The following VAMP7 variants were observed in gnomAD, a reference collection of about 807,000 sequenced individuals.
VAMP7 encodes the protein vesicle-associated membrane protein 7.
Under a neutral mutation model 29.6 loss-of-function variants are expected in VAMP7, and 14 were observed. The observed-to-expected ratio is 0.47, with a 90% CI of 0.31 to 0.74. The LOEUF (loss-of-function observed/expected upper bound fraction) is 0.74. Ranked by LOEUF, VAMP7 falls within the 30% of genes least tolerant of loss-of-function variation. The probability of loss-of-function intolerance (pLI) is 0.05; values close to 1 mark genes in which losing one functional copy is unlikely to be tolerated. For synonymous variants in VAMP7, 95 were observed against 88.1 expected (o/e 1.08, Z -0.44); for missense variants, 223 against 262.4 (o/e 0.85, Z 1.04).
chrX:155,903,916 A>T (rs201163128), intron 5 of VAMP7, among the ~76,000 whole-genome samples: 1 of 152,070 alleles, frequency 6.6e-6, no homozygotes, highest in Non-Finnish European at 1.5e-5. Context: ...GTATGTTTAT[A>T]GCGGCAGTAT....
intron 1 of VAMP7, among the ~76,000 whole-genome samples, chrX:155,881,784 T>C (rs918827474): frequency 2.6e-5 from 4 of 152,192 alleles, no homozygotes; most frequent in African/African-American, 4.8e-5. Context: ...CTAAAAACTC[T>C]CTACGTCCTT....
chrX:155,932,947 T>C (rs762943578), intron 6 of VAMP7, among the ~76,000 whole-genome samples: 47 of 152,332 alleles, frequency 3.1e-4, no homozygotes, highest in African/African-American at 1.1e-3. Context: ...CTTTTCTGCA[T>C]CTATTGAGAT....
chrX:155,881,990 AT>A (rs1444765005), intron 1 of VAMP7, among the ~76,000 whole-genome samples: 2 of 152,120 alleles, frequency 1.3e-5, no homozygotes, highest in African/African-American at 4.8e-5. Flanking sequence ...TTAATGGCCA[AT>A]GTTTATCAAA....
At chrX:155,902,990 A>T (rs2066089294) in intron 5 of VAMP7, among the ~76,000 whole-genome samples, 2 of 151,674 alleles carry the variant, frequency 1.3e-5, no homozygotes, top group African/African-American at 2.4e-5. Context: ...CTGTGAATCC[A>T]TCTGGTCCTG....
intron 6 of VAMP7, among the ~76,000 whole-genome samples, chrX:155,935,487 C>T (rs999386881): frequency 2.0e-5 from 3 of 152,048 alleles, no homozygotes; most frequent in Non-Finnish European, 4.4e-5. Flanking sequence ...TCCAGTTGTT[C>T]GAATCGGCTA....
At chrX:155,921,192 C>A (rs1304914037) in intron 6 of VAMP7, among the ~76,000 whole-genome samples, 3 of 152,150 alleles carry the variant, frequency 2.0e-5, no homozygotes, top group Non-Finnish European at 4.4e-5. Flanking sequence ...ATTTTGTTGA[C>A]TTCATGACTG....
chrX:155,904,191 T>A (rs1332556818), intron 5 of VAMP7, among the ~76,000 whole-genome samples: 1 of 115,320 alleles, frequency 8.7e-6, no homozygotes, highest in African/African-American at 3.4e-5. Flanking sequence ...AACATCACAC[T>A]CTGGGGACTG....
At chrX:155,935,194 C>T (rs1419806417) in intron 6 of VAMP7, among the ~76,000 whole-genome samples, 7 of 151,994 alleles carry the variant, frequency 4.6e-5, no homozygotes, top group Non-Finnish European at 1.0e-4. Context: ...TTGCTCTTCT[C>T]GAGGAGTATC....
At position 155,942,036 on chromosome X, in the gene VAMP7, A is replaced by C. The variant is rs768823022; in HGVS notation, c.*85A>C. 6.2e-7 allele frequency: 1 copy of C among 1,610,998 alleles called. No homozygotes were observed. Among genetic ancestry groups the C allele is most frequent in the South Asian group, 1.1e-5 (1 of 90,674 alleles). ...TGTGACTCAAGCCTTTCACATACTGACAGATGGTATCTGCCAGTCTCTTCA... is the reference window on the plus strand; with the variant it reads ...TGTGACTCAAGCCTTTCACATACTGCCAGATGGTATCTGCCAGTCTCTTCA... On this transcript the variant is annotated 3_prime_UTR_variant, in exon 8 of 8. Transcript: ENST00000286448.
chrX:155,913,044 A>G (rs1243066739), intron 5 of VAMP7, among the ~76,000 whole-genome samples: 2 of 151,902 alleles, frequency 1.3e-5, no homozygotes, highest in African/African-American at 4.8e-5. Context: ...CTTGTTAATG[A>G]TTGCCATTTA....
At chrX:155,918,752 C>T (rs1024766415) in intron 5 of VAMP7, among the ~76,000 whole-genome samples, 20 of 152,134 alleles carry the variant, frequency 1.3e-4, no homozygotes, top group African/African-American at 4.1e-4. Flanking sequence ...TGTTCCTATT[C>T]GGTCATCTTG....
chrX:155,911,620 G>GT (rs1354470541), intron 5 of VAMP7, among the ~76,000 whole-genome samples: 1 of 151,820 alleles, frequency 6.6e-6, no homozygotes, highest in East Asian at 1.9e-4. Flanking sequence ...GTCATCTTCA[G>GT]TTTTTTTCAT....
intron 6 of VAMP7, among the ~76,000 whole-genome samples, chrX:155,923,851 T>C (rs1043948208): frequency 6.6e-6 from 1 of 152,152 alleles, no homozygotes; most frequent in African/African-American, 2.4e-5. Flanking sequence ...TTTCTATTGC[T>C]ATGTCTTCAA....
intron 5 of VAMP7, among the ~76,000 whole-genome samples, chrX:155,915,820 T>C (rs2066304048): frequency 6.6e-6 from 1 of 152,252 alleles, no homozygotes; most frequent in Non-Finnish European, 1.5e-5. Flanking sequence ...AATGTGGTGC[T>C]GAGAAGAATG....
At chrX:155,924,511 G>T (rs1175494183) in intron 6 of VAMP7, among the ~76,000 whole-genome samples, 1 of 151,964 alleles carries the variant, frequency 6.6e-6, no homozygotes, top group African/African-American at 2.4e-5. Flanking sequence ...GAATTTGCCT[G>T]TTCTAGATAT....
intron 6 of VAMP7, among the ~76,000 whole-genome samples, chrX:155,920,961 G>A (rs2066386815): frequency 6.6e-6 from 1 of 152,084 alleles, no homozygotes; most frequent in African/African-American, 2.4e-5. Context: ...CTACCATACA[G>A]GAAGTCAAAA....
chrX:155,884,589 C>A (rs1211340275), intron 1 of VAMP7, among the ~76,000 whole-genome samples: 1 of 152,200 alleles, frequency 6.6e-6, no homozygotes, highest in East Asian at 1.9e-4. Context: ...CAGCCAGATA[C>A]TTCTAAGATG....
intron 6 of VAMP7, among the ~76,000 whole-genome samples, chrX:155,925,670 G>A (rs1367104266): frequency 2.0e-5 from 3 of 152,194 alleles, no homozygotes; most frequent in Non-Finnish European, 4.4e-5. Context: ...TGGGGAGGGG[G>A]CCTCCAGGTC....
At chrX:155,885,743 C>T (rs1018978192) in intron 1 of VAMP7, among the ~76,000 whole-genome samples, 2 of 152,094 alleles carry the variant, frequency 1.3e-5, no homozygotes, top group African/African-American at 4.8e-5. Flanking sequence ...TGAAGTGCTG[C>T]ACCTCCAAGC....
Sources: allele counts gnomAD v4.1 joint callset (sites outside exome capture counted in the v4.1 genomes callset), GRCh38; gene constraint gnomAD v4.1.1; transcripts MANE v1.5; gene names NCBI Gene and HGNC (gene_info 2026-07-23, HGNC 2026-07-21).